The following DPY19L1 variants were observed in gnomAD, a reference collection of about 807,000 sequenced individuals.
The protein encoded by DPY19L1 is dpy-19 like C-mannosyltransferase 1, also known as protein C-mannosyl-transferase DPY19L1.
Under a neutral mutation model 96.9 loss-of-function variants are expected in DPY19L1, and 35 were observed. The ratio of observed to expected loss-of-function variants is 0.36; its 90% CI spans 0.28 to 0.48. DPY19L1 has a LOEUF of 0.48. DPY19L1 is among the 20% of genes least tolerant of loss of function. The pLI is 0.99. For missense variants in DPY19L1, 521 were observed against 777.9 expected (o/e 0.67, Z 3.93); for synonymous variants, 205 against 252.6 (o/e 0.81, Z 1.79).
At chr7:35,021,441 C>T (rs1258890560) in intron 1 of DPY19L1, among the ~76,000 whole-genome samples, 2 of 152,194 alleles carry the variant, frequency 1.3e-5, no homozygotes, top group Non-Finnish European at 2.9e-5. Flanking sequence ...CTCCAGGGTC[C>T]ATTCATCATC....
At chr7:35,032,065 T>A (rs552771018) in intron 1 of DPY19L1, among the ~76,000 whole-genome samples, 1 of 152,294 alleles carries the variant, frequency 6.6e-6, no homozygotes, top group South Asian at 2.1e-4. Flanking sequence ...CCTAATATGC[T>A]CTTTCTACTT....
chr7:34,998,983 C>T (rs1785360670), intron 6 of DPY19L1, among the ~76,000 whole-genome samples: 2 of 152,030 alleles, frequency 1.3e-5, no homozygotes, highest in African/African-American at 4.8e-5. Context: ...TGAGAAAATT[C>T]GACTTCAAGA....
intron 1 of DPY19L1, among the ~76,000 whole-genome samples, chr7:35,029,928 C>A (rs944306684): frequency 6.6e-6 from 1 of 152,196 alleles, no homozygotes; most frequent in Non-Finnish European, 1.5e-5. Flanking sequence ...ACTTCACCTG[C>A]TGAACTCAAT....
At chr7:34,992,813 AT>A (rs985334575) in intron 6 of DPY19L1, among the ~76,000 whole-genome samples, 10 of 152,260 alleles carry the variant, frequency 6.6e-5, no homozygotes, top group African/African-American at 1.4e-4. Context: ...AAAAAAAAAA[AT>A]GTTTTTAACT....
rs1029479581 is a variant in DPY19L1 at position 34,992,784 on chromosome 7, CATT to C, written c.765-2846_765-2844del. 1.8e-4 allele frequency among the ~76,000 whole-genome samples: 28 copies of C among 151,810 alleles called. 1 individual carries two copies. The highest frequency in any genetic ancestry group is 4.2e-4 in the South Asian group (2 of 4,808). Reference sequence around the variant, plus strand: ...TTAGATCAGACTATAGAAAACCCATCATTATTATACTCTCTGTAAAAAAAAAAA... The same window carrying C: ...TTAGATCAGACTATAGAAAACCCATCATTATACTCTCTGTAAAAAAAAAAA... On this transcript the variant is annotated intron_variant, in intron 6 of 21. Coordinates refer to ENST00000638088, the MANE Select transcript of DPY19L1 (RefSeq NM_001366673.1).
At chr7:34,986,825 A>G (rs1785058735) in intron 7 of DPY19L1, among the ~76,000 whole-genome samples, 1 of 152,060 alleles carries the variant, frequency 6.6e-6, no homozygotes, top group African/African-American at 2.4e-5. Context: ...TTTACTTTGA[A>G]GTACTTTCGG....
intron 10 of DPY19L1, among the ~76,000 whole-genome samples, chr7:34,959,908 TA>T (rs1562806863): frequency 5.5e-4 from 21 of 38,342 alleles, no homozygotes; most frequent in Admixed American, 5.0e-3. Flanking sequence ...AATATATATA[TA>T]TATATATATA....
At chr7:35,017,352 G>A (rs1322049401) in intron 3 of DPY19L1, among the ~76,000 whole-genome samples, 15 of 151,496 alleles carry the variant, frequency 9.9e-5, no homozygotes, top group East Asian at 5.8e-4. Flanking sequence ...AAAATTAGCC[G>A]GGCGCGGTGG....
At chr7:35,023,126 C>T (rs557811941) in intron 1 of DPY19L1, among the ~76,000 whole-genome samples, 5 of 152,198 alleles carry the variant, frequency 3.3e-5, no homozygotes, top group African/African-American at 9.6e-5. Flanking sequence ...GTGGAAAGGA[C>T]GAAGACACTG....
chr7:35,008,510 CG>C (rs1243958447), intron 6 of DPY19L1, among the ~76,000 whole-genome samples: 4 of 152,164 alleles, frequency 2.6e-5, no homozygotes, highest in Non-Finnish European at 2.9e-5. Context: ...AATGCTTTAA[CG>C]GATGTTTACA....
intron 7 of DPY19L1, among the ~76,000 whole-genome samples, chr7:34,985,319 G>A (rs1785024011): frequency 6.6e-6 from 1 of 152,064 alleles, no homozygotes; most frequent in Non-Finnish European, 1.5e-5. Context: ...AGCAAAAATA[G>A]CCAAATAGGA....
At chr7:35,006,443 A>T (rs1239479685) in intron 6 of DPY19L1, among the ~76,000 whole-genome samples, 1 of 152,194 alleles carries the variant, frequency 6.6e-6, no homozygotes, top group Non-Finnish European at 1.5e-5. Flanking sequence ...TCCAGAAGAA[A>T]CTAGGGGGAA....
intron 21 of DPY19L1, among the ~76,000 whole-genome samples, chr7:34,936,692 AATT>A (rs1192052853): frequency 3.9e-5 from 6 of 152,224 alleles, no homozygotes; most frequent in Admixed American, 3.9e-4. Context: ...ACATTTTCTG[AATT>A]ATTACAAAAT....
At chr7:34,952,628 C>A (rs1340916661) in intron 13 of DPY19L1, among the ~76,000 whole-genome samples, 1 of 151,976 alleles carries the variant, frequency 6.6e-6, no homozygotes, top group African/African-American at 2.4e-5. Context: ...ACGAAAAACA[C>A]CTTAAAAATA....
chr7:34,976,297 G>A (rs560416611), intron 7 of DPY19L1, among the ~76,000 whole-genome samples: 2 of 152,282 alleles, frequency 1.3e-5, no homozygotes, highest in African/African-American at 4.8e-5. Context: ...TTCAGTGGAG[G>A]AAGTAACTGC....
intron 6 of DPY19L1, among the ~76,000 whole-genome samples, chr7:35,009,687 C>T (rs1388807867): frequency 6.6e-6 from 1 of 152,052 alleles, no homozygotes; most frequent in African/African-American, 2.4e-5. Flanking sequence ...GGAAGAAGAA[C>T]CACAGACAGC....
intron 10 of DPY19L1, among the ~76,000 whole-genome samples, chr7:34,966,283 C>T (rs946155539): frequency 5.9e-5 from 9 of 152,060 alleles, no homozygotes; most frequent in South Asian, 4.1e-4. Flanking sequence ...TGACAGTTGA[C>T]GCTCAGTTAA....
In DPY19L1 at chr7:35,037,402, T is replaced by C. The variant is rs1399185070; in HGVS notation, c.-8A>G. On this transcript the variant is annotated 5_prime_UTR_variant, in exon 1 of 22. It removes an upstream start codon present in the reference 5' UTR. Transcript: ENST00000638088. ...CCGCGCCTGCAGGACCATCTTGGCA[T>C]AGTCGCGCCCGCTCGCTGCGCGCGC... 1.5e-5 allele frequency: 5 copies of C among 333,602 alleles called. No homozygotes were observed. Among genetic ancestry groups the C allele is most frequent in the Non-Finnish European group, 2.7e-5 (5 of 184,236 alleles). The allele number at this position is 333,602 out of a possible 1,614,324, so 20.7% of individuals were successfully genotyped here.
intron 8 of DPY19L1, among the ~76,000 whole-genome samples, chr7:34,970,678 A>G (rs1486683872): frequency 5.3e-5 from 8 of 152,170 alleles, no homozygotes; most frequent in South Asian, 4.1e-4. Flanking sequence ...TATGGGTAAC[A>G]AGAGACATTA....
Sources: allele counts gnomAD v4.1 joint callset (sites outside exome capture counted in the v4.1 genomes callset), GRCh38; gene constraint gnomAD v4.1.1; transcripts MANE v1.5; gene names NCBI Gene and HGNC (gene_info 2026-07-23, HGNC 2026-07-21).